GFM1: variants seen among roughly 807,000 people sequenced by gnomAD.
GFM1 encodes the protein elongation factor G, mitochondrial.
GFM1 carries 62 observed loss-of-function variants against 96.2 expected under a neutral mutation model. The ratio of observed to expected loss-of-function variants is 0.64; its 90% CI spans 0.53 to 0.80. The LOEUF (loss-of-function observed/expected upper bound fraction) is 0.80. Among genes scored for constraint, GFM1 ranks in the 30% least tolerant of loss-of-function variants. The probability of loss-of-function intolerance (pLI) is 0.00; values close to 1 mark genes in which losing one functional copy is unlikely to be tolerated. For synonymous variants in GFM1, 282 were observed against 312.9 expected (o/e 0.90, Z 1.04); for missense variants, 852 against 916.6 (o/e 0.93, Z 0.91).
Position 158,653,467 on chromosome 3 carries a change from A to G in GFM1, c.998A>G (p.Asp333Gly). 2 of 1,609,792 alleles carry G rather than the reference A, an allele frequency of 1.2e-6. No individual in the cohort carries two copies. The highest frequency in any genetic ancestry group is 1.7e-6 in the Non-Finnish European group (2 of 1,176,234). The change falls in exon 7 of 18, where the codon GAT (aspartate) becomes GGT (glycine). Residue 333 changes from aspartate (D) to glycine (G), a missense_variant and splice_region_variant. Physicochemically the swap from Asp to Gly is moderately conservative, Grantham distance 94. Coordinates refer to ENST00000486715, the MANE Select transcript of GFM1 (RefSeq NM_024996.7). ...VQNYAILNKE[D>G]DSKEKTKILM... Reference sequence around the variant, plus strand: ...AACTATGCTATTCTCAATAAAGAGGAGTAAGTCTTGAAAATTGAATCTTAG... The same window carrying G: ...AACTATGCTATTCTCAATAAAGAGGGGTAAGTCTTGAAAATTGAATCTTAG...
chr3:158,653,463 G>A lies in GFM1; in HGVS notation c.994G>A (p.Glu332Lys). 6.2e-7 allele frequency: 1 copy of A among 1,610,748 alleles called. No individual in the cohort carries two copies. The highest frequency in any genetic ancestry group is 8.5e-7 in the Non-Finnish European group (1 of 1,177,164). The change falls in exon 7 of 18, where the codon GAG becomes AAG. Residue 332 changes from glutamate (E) to lysine (K), a missense_variant. Glu to Lys is a moderately conservative substitution (Grantham distance 56). Coordinates refer to ENST00000486715, the MANE Select transcript of GFM1 (RefSeq NM_024996.7). ...EVQNYAILNK[E>K]DDSKEKTKIL... ...CCAGAACTATGCTATTCTCAATAAA[G>A]AGGAGTAAGTCTTGAAAATTGAATC...
intron 13 of GFM1, among the ~76,000 whole-genome samples, chr3:158,679,270 T>C (rs1165818086): frequency 3.9e-5 from 6 of 152,358 alleles, no homozygotes; most frequent in South Asian, 4.1e-4. Context: ...TGTAAACATA[T>C]AGCTTTTATA....
In GFM1 at chr3:158,646,721, T is replaced by G. The variant is rs1721835869; in HGVS notation, c.368-22T>G. 3.1e-6 allele frequency: 5 copies of G among 1,600,014 alleles called. No individual in the cohort carries two copies. The South Asian group carries it at 5.6e-5, about 18-fold the overall frequency. Reference sequence around the variant, plus strand: ...AAATTCAGATTGCTCTTTAAGACCCTCTCATACTTCATCTTATTCAGGGCA... The same window carrying G: ...AAATTCAGATTGCTCTTTAAGACCCGCTCATACTTCATCTTATTCAGGGCA... On this transcript the variant is annotated intron_variant, in intron 3 of 17. Coordinates refer to ENST00000486715, the MANE Select transcript of GFM1 (RefSeq NM_024996.7).
chr3:158,666,496 G>A (rs1441046706), intron 13 of GFM1, 110 bp downstream of exon 13: 2 of 1,129,514 alleles, frequency 1.8e-6, no homozygotes, highest in Non-Finnish European at 2.7e-6. Flanking sequence ...GTGATACTTT[G>A]TATTATGGAC....
At chr3:158,659,195 T>C in intron 9 of GFM1, 136 bp downstream of exon 9, 1 of 1,004,772 alleles carries the variant, frequency 1.0e-6, no homozygotes, top group Non-Finnish European at 1.5e-6. Context: ...TTAAATGTGT[T>C]GTAGCTCTGA....
chr3:158,667,759 G>T (rs1201678255), intron 13 of GFM1, among the ~76,000 whole-genome samples: 4 of 152,174 alleles, frequency 2.6e-5, no homozygotes, highest in African/African-American at 9.7e-5. Flanking sequence ...ATGCACTCCA[G>T]CCTGGGCAAC....
intron 7 of GFM1, among the ~76,000 whole-genome samples, 153 bp downstream of exon 7, chr3:158,653,620 T>G (rs547093818): frequency 6.6e-5 from 10 of 152,274 alleles, no homozygotes; most frequent in Admixed American, 4.6e-4. Context: ...TTTTGACGTA[T>G]AGAAAAATAT....
intron 8 of GFM1, chr3:158,656,658 T>C (rs922476812): frequency 7.2e-5 from 11 of 152,268 alleles, no homozygotes; most frequent in African/African-American, 2.7e-4. Flanking sequence ...ATAAGTTATT[T>C]GGAATTCTTC....
chr3:158,645,626 C>T lies in GFM1; in HGVS notation c.82-3C>T. 1.2e-6 allele frequency: 2 copies of T among 1,610,850 alleles called. No individual in the cohort carries two copies. Among genetic ancestry groups the T allele is most frequent in the Non-Finnish European group, 1.7e-6 (2 of 1,177,164 alleles). ...TAGAATTGAGCTCTCGTATTTTTTT[C>T]AGGTTAATTGGAAGGCCTGCCGATG... On this transcript the variant is annotated splice_polypyrimidine_tract_variant and splice_region_variant and intron_variant, in intron 1 of 17. Transcript: ENST00000486715.
intron 13 of GFM1, 120 bp from the exon 14 acceptor site, chr3:158,681,875 A>T: frequency 1.2e-6 from 1 of 860,360 alleles, no homozygotes; most frequent in Non-Finnish European, 1.8e-6. Context: ...TTTTATAGCA[A>T]GACCATCATA....
intron 13 of GFM1, among the ~76,000 whole-genome samples, chr3:158,675,767 A>C (rs768603690): frequency 1.3e-5 from 2 of 152,214 alleles, no homozygotes; most frequent in Non-Finnish European, 2.9e-5. Context: ...TCAGGCCCTT[A>C]CATAATGTTC....
Position 158,652,226 on chromosome 3 carries a change from C to A in GFM1, c.820C>A (p.Pro274Thr), listed in dbSNP as rs774215742. 1.2e-6 allele frequency: 2 copies of A among 1,613,930 alleles called. No individual in the cohort carries two copies. The highest frequency in any genetic ancestry group is 1.7e-6 in the Non-Finnish European group (2 of 1,179,962). ...TGAGATGTTTCTGGAAGAAAAAATC[C>A]CCTCGATTTCTGATTTAAAGGCAAG... The part of the protein sequence containing the change: ...LGEMFLEEKI[P>T]SISDLKLAIR... The change falls in exon 6 of 18, where the codon CCC becomes ACC. Residue 274 changes from proline to threonine, a missense_variant. Transcript: ENST00000486715.
chr3:158,645,981 C>G (rs865956784), intron 2 of GFM1, 184 bp from the exon 3 acceptor site: 1 of 850,588 alleles, frequency 1.2e-6, no homozygotes, highest in Admixed American at 2.2e-5. Flanking sequence ...AGAGGTCTCA[C>G]TTTGTTGCTC....
rs1390078706 is a variant in GFM1 at position 158,692,306 on chromosome 3, G to A, written c.*839G>A. The stretch of plus-strand genomic sequence containing the variant: ...GTGTTCATCTTAATGTTTTTGTACA[G>A]CTAAATCAAATGTAATTTATAGAGT... On this transcript the variant is annotated 3_prime_UTR_variant, in exon 18 of 18. Coordinates refer to ENST00000486715, the MANE Select transcript of GFM1 (RefSeq NM_024996.7). The A allele has an allele frequency of 2.6e-5, 4 of 152,164 alleles. No individual in the cohort carries two copies. Among genetic ancestry groups the A allele is most frequent in the Non-Finnish European group, 4.4e-5 (3 of 68,030 alleles). The allele number at this position is 152,164 out of a possible 1,614,324, so 9.4% of individuals were successfully genotyped here. A position where few individuals can be genotyped will look rare whatever the true frequency, so the allele number is the denominator to read the frequency against.
Position 158,644,686 on chromosome 3 carries a change from C to T in GFM1, c.52C>T (p.Pro18Ser), listed in dbSNP as rs868390553. The T allele has an allele frequency of 1.9e-6, 3 of 1,580,040 alleles. No individual in the cohort carries two copies. Among genetic ancestry groups the T allele is most frequent in the African/African-American group, 1.3e-5 (1 of 74,600 alleles). Residue 18 changes from proline (P) to serine (S), a missense_variant, in exon 1 of 18, where the codon CCC (proline) becomes TCC (serine). Transcript: ENST00000486715. The stretch of plus-strand genomic sequence containing the variant: ...CGCGGCTCTGGGGCGCGGAAGGGCC[C>T]CCGCCTCCCTAGGCTGGCAGAGGAA... ...AVAALGRGRA[P>S]ASLGWQRKQV...
chr3:158,662,694 T>G lies in GFM1; in HGVS notation c.1380+10T>G. 1 of 1,549,784 alleles carries G rather than the reference T, an allele frequency of 6.5e-7. No homozygotes were observed. The highest frequency in any genetic ancestry group is 8.9e-7 in the Non-Finnish European group (1 of 1,121,742). On this transcript the variant is annotated intron_variant, in intron 11 of 17. Transcript: ENST00000486715. The stretch of plus-strand genomic sequence containing the variant: ...GAAGCCTTCTAACAAGGTAGGAGTT[T>G]GATTTAAAGCTCAGTATATCACAAT...
intron 4 of GFM1, 42 bp downstream of exon 4, chr3:158,646,989 G>A (rs770269557): frequency 1.7e-5 from 25 of 1,464,392 alleles, no homozygotes; most frequent in African/African-American, 4.2e-5. Context: ...TGATGATCTA[G>A]ACAGCAAACC....
At chr3:158,669,711 G>T in intron 13 of GFM1, 2 of 1,131,112 alleles carry the variant, frequency 1.8e-6, no homozygotes, top group Non-Finnish European at 1.3e-6. Flanking sequence ...TAATGGTGTT[G>T]TTTTAGACTA....
At chr3:158,665,506 C>T in intron 12 of GFM1, 32 bp downstream of exon 12, 1 of 1,560,298 alleles carries the variant, frequency 6.4e-7, no homozygotes, top group Non-Finnish European at 8.8e-7. Flanking sequence ...AAGTTGAAAT[C>T]AATTTATTAC....
Sources: gnomAD v4.1 joint callset for allele counts (sites outside exome capture counted in the v4.1 genomes callset) on GRCh38, gnomAD v4.1.1 for gene constraint, MANE v1.5 for transcripts, NCBI Gene and HGNC (gene_info 2026-07-23, HGNC 2026-07-21) for gene names.